FBXL7: variants seen among roughly 807,000 people sequenced by gnomAD.
The protein encoded by FBXL7 is F-box and leucine rich repeat protein 7.
A neutral mutation model predicts 38.3 loss-of-function variants in FBXL7; 12 were observed. That is an observed-to-expected ratio of 0.31 (90% CI 0.20 to 0.51). FBXL7 has a LOEUF of 0.51. FBXL7 is among the 20% of genes least tolerant of loss of function. The pLI, the probability that FBXL7 is intolerant of heterozygous loss-of-function variation, is 0.98. For synonymous variants in FBXL7, 297 were observed against 300.9 expected (o/e 0.99, Z 0.13); for missense variants, 567 against 676.4 (o/e 0.84, Z 1.79).
intron 2 of FBXL7, among the ~76,000 whole-genome samples, chr5:15,867,870 G>A (rs1350236409): frequency 6.6e-6 from 1 of 152,044 alleles, no homozygotes; most frequent in Admixed American, 6.6e-5. Context: ...CTGTGGGAGG[G>A]TGAGGCAGGC....
chr5:15,871,260 A>G (rs1263313623), intron 2 of FBXL7, among the ~76,000 whole-genome samples: 1 of 152,196 alleles, frequency 6.6e-6, no homozygotes, highest in Non-Finnish European at 1.5e-5. Flanking sequence ...ATCAACATCA[A>G]CAAAAAGGAT....
chr5:15,804,285 CAGAG>C (rs1314487440), intron 2 of FBXL7, among the ~76,000 whole-genome samples: 3 of 151,898 alleles, frequency 2.0e-5, no homozygotes, highest in Non-Finnish European at 4.4e-5. Context: ...CTGGACAACA[CAGAG>C]AGACCCCATC....
At chr5:15,865,256 G>A (rs191874910) in intron 2 of FBXL7, among the ~76,000 whole-genome samples, 21 of 152,222 alleles carry the variant, frequency 1.4e-4, no homozygotes, top group African/African-American at 2.2e-4. Flanking sequence ...TAAATGCTAC[G>A]AGCTGAAGGA....
At chr5:15,742,284 A>ATAT (rs951898637) in intron 2 of FBXL7, among the ~76,000 whole-genome samples, 1 of 152,210 alleles carries the variant, frequency 6.6e-6, no homozygotes, top group African/African-American at 2.4e-5. Context: ...ACATTTTAAA[A>ATAT]TATAGAGTCT....
chr5:15,795,569 T>C (rs761903716), intron 2 of FBXL7, among the ~76,000 whole-genome samples: 44 of 152,298 alleles, frequency 2.9e-4, no homozygotes, highest in Middle Eastern at 3.4e-3. Flanking sequence ...TCTTATAGCA[T>C]GACTAATTGG....
chr5:15,709,870 G>A (rs1451999690), intron 2 of FBXL7, among the ~76,000 whole-genome samples: 1 of 152,114 alleles, frequency 6.6e-6, no homozygotes, highest in Non-Finnish European at 1.5e-5. Flanking sequence ...AGTTGGGAAG[G>A]TAAAAGGGGC....
At chr5:15,779,229 A>G (rs1239619115) in intron 2 of FBXL7, among the ~76,000 whole-genome samples, 2 of 152,034 alleles carry the variant, frequency 1.3e-5, no homozygotes, top group African/African-American at 2.4e-5. Flanking sequence ...TAAGTTAGTT[A>G]AGGAGCACAA....
At chr5:15,673,521 A>G (rs1158926792) in intron 2 of FBXL7, among the ~76,000 whole-genome samples, 3 of 152,154 alleles carry the variant, frequency 2.0e-5, no homozygotes, top group Non-Finnish European at 4.4e-5. Flanking sequence ...ACAGAGACAC[A>G]TTTTTAAGCA....
intron 1 of FBXL7, among the ~76,000 whole-genome samples, chr5:15,584,987 A>C (rs543062239): frequency 1.4e-4 from 21 of 152,350 alleles, no homozygotes; most frequent in South Asian, 8.3e-4. Flanking sequence ...CAGGTGCAGC[A>C]AAGCTTCAAT....
rs985446152 is a variant in FBXL7, at chr5:15,938,183, C to T, written c.*997C>T. ...TACACAAATACTTTCTGCATTCCCC[C>T]CTCCACACCATCCTAGCGAGGCACC... On this transcript the variant is annotated 3_prime_UTR_variant, in exon 4 of 4. Transcript: ENST00000504595. The T allele has an allele frequency of 6.6e-6, 1 of 152,180 alleles. No individual in the cohort carries two copies. Among genetic ancestry groups the T allele is most frequent in the East Asian group, 1.9e-4 (1 of 5,182 alleles). The allele number at this position is 152,180 out of a possible 1,614,324, so 9.4% of individuals were successfully genotyped here.
chr5:15,613,297 A>G (rs1740317383), intron 1 of FBXL7, among the ~76,000 whole-genome samples: 1 of 152,210 alleles, frequency 6.6e-6, no homozygotes, highest in Non-Finnish European at 1.5e-5. Context: ...AAGGTCAGAA[A>G]GCAAGGGAGT....
intron 1 of FBXL7, among the ~76,000 whole-genome samples, chr5:15,512,677 G>GA (rs1736832607): frequency 6.6e-6 from 1 of 152,134 alleles, no homozygotes; most frequent in Admixed American, 6.5e-5. Flanking sequence ...TATATTTAAG[G>GA]AAAAATGAAA....
chr5:15,736,484 A>G (rs1008707863), intron 2 of FBXL7, among the ~76,000 whole-genome samples: 17 of 152,218 alleles, frequency 1.1e-4, no homozygotes, highest in Non-Finnish European at 2.4e-4. Flanking sequence ...TATAAGTTTC[A>G]AATTAAAATA....
At chr5:15,509,499 C>T (rs972076543) in intron 1 of FBXL7, among the ~76,000 whole-genome samples, 2 of 152,116 alleles carry the variant, frequency 1.3e-5, no homozygotes, top group African/African-American at 4.8e-5. Flanking sequence ...GTGGGAAGTG[C>T]GCCTAAGAAT....
chr5:15,559,573 C>G (rs1358296249), intron 1 of FBXL7, among the ~76,000 whole-genome samples: 2 of 152,182 alleles, frequency 1.3e-5, no homozygotes, highest in Non-Finnish European at 2.9e-5. Context: ...ACCATTTTCA[C>G]TATTCTGTGG....
intron 2 of FBXL7, among the ~76,000 whole-genome samples, chr5:15,848,360 C>T (rs1738984200): frequency 6.6e-6 from 1 of 151,768 alleles, no homozygotes; most frequent in Non-Finnish European, 1.5e-5. Flanking sequence ...AACAGTTTTC[C>T]GAGTGTATAT....
At chr5:15,673,832 C>A (rs549257569) in intron 2 of FBXL7, among the ~76,000 whole-genome samples, 1 of 151,780 alleles carries the variant, frequency 6.6e-6, no homozygotes, top group African/African-American at 2.4e-5. Flanking sequence ...GGGTCTTCTG[C>A]CATTTATGTT....
At chr5:15,561,892 C>A (rs1005533414) in intron 1 of FBXL7, among the ~76,000 whole-genome samples, 9 of 151,848 alleles carry the variant, frequency 5.9e-5, no homozygotes, top group Admixed American at 1.3e-4. Flanking sequence ...TATTACAAAG[C>A]AAAAGTAATC....
chr5:15,749,605 G>T (rs978147977), intron 2 of FBXL7, among the ~76,000 whole-genome samples: 5 of 151,932 alleles, frequency 3.3e-5, no homozygotes, highest in Non-Finnish European at 7.4e-5. Flanking sequence ...CCAGCCTGGG[G>T]GACAGAGCGA....
Sources: gnomAD v4.1 joint callset for allele counts (sites outside exome capture counted in the v4.1 genomes callset) on GRCh38, gnomAD v4.1.1 for gene constraint, MANE v1.5 for transcripts, NCBI Gene and HGNC (gene_info 2026-07-23, HGNC 2026-07-21) for gene names.